UTY: variants seen among roughly 807,000 people sequenced by gnomAD.
UTY encodes the protein ubiquitously transcribed tetratricopeptide repeat containing, Y-linked.
UTY carries 12 observed loss-of-function variants against 32.5 expected under a neutral mutation model. The observed-to-expected ratio is 0.37, with a 90% confidence interval of 0.24 to 0.60. The LOEUF (loss-of-function observed/expected upper bound fraction) is 0.60, where lower values mean the gene tolerates loss of function less well. UTY is among the 20% of genes least tolerant of loss of function. UTY has a pLI of 0.69. For missense variants in UTY, 303 were observed against 299.2 expected, an observed-to-expected ratio of 1.01 and a Z score of -0.09; for synonymous variants, 131 against 103.4, an observed-to-expected ratio of 1.27 and a Z score of -1.62.
intron 17 of UTY, among the ~76,000 whole-genome samples, chrY:13,348,908 A>T: frequency 9.0e-5 from 3 of 33,446 alleles, no homozygotes; most frequent in African/African-American, 3.5e-4. Context: ...TTCACATCTT[A>T]CCATAGTATC....
chrY:13,240,529 C>G, intron 28 of UTY, among the ~76,000 whole-genome samples: 1 of 33,412 alleles, frequency 3.0e-5, no homozygotes, highest in Admixed American at 2.7e-4. Context: ...CTAAAAGTAC[C>G]TAACAGAAAC....
intron 4 of UTY, among the ~76,000 whole-genome samples, chrY:13,417,877 A>G: frequency 6.0e-5 from 2 of 33,351 alleles, no homozygotes; most frequent in South Asian, 6.7e-4. Flanking sequence ...TTCAGTTTTC[A>G]GTTCACTGTG....
At chrY:13,387,010 A>T (rs2066921230) in intron 8 of UTY, among the ~76,000 whole-genome samples, 1 of 33,330 alleles carries the variant, frequency 3.0e-5, no homozygotes. Flanking sequence ...ATAAACTAAC[A>T]AACATACATT....
intron 27 of UTY, among the ~76,000 whole-genome samples, chrY:13,295,428 T>G (rs943201017): frequency 1.5e-4 from 5 of 33,489 alleles, no homozygotes; most frequent in Non-Finnish European, 3.0e-4. Context: ...CTTCTAACAC[T>G]GGGATCAAAT....
In UTY at chrY:13,258,643, T is replaced by G. The variant is rs778269422; in HGVS notation, c.4137+1635A>C. Among the ~76,000 whole-genome samples the G allele has an allele frequency of 1.8e-3, 61 of 34,108 alleles. No individual in the cohort carries two copies. In the East Asian group the frequency reaches 0.041, roughly 23 times the overall value. The allele number at this position is 34,108 out of a possible 37,273, so 91.5% of individuals were successfully genotyped here. On this transcript the variant is annotated intron_variant, in intron 28 of 29. Transcript: ENST00000545955. ...CCTTAATGCCAGGAACTGGAGTGCTTAAAAGCTGCAGACAGATTAGCAGCT... is the reference window on the plus strand; with the variant it reads ...CCTTAATGCCAGGAACTGGAGTGCTGAAAAGCTGCAGACAGATTAGCAGCT...
intron 27 of UTY, among the ~76,000 whole-genome samples, chrY:13,262,692 T>C: frequency 3.4e-5 from 1 of 29,566 alleles, no homozygotes; most frequent in African/African-American, 1.4e-4. Context: ...GGCTCCCAAG[T>C]AGTTGCGATT....
At chrY:13,342,359 C>T in intron 17 of UTY, among the ~76,000 whole-genome samples, 2 of 34,064 alleles carry the variant, frequency 5.9e-5, no homozygotes, top group South Asian at 6.6e-4. Flanking sequence ...GATTACCAGA[C>T]GGTACGGGAT....
At chrY:13,276,726 A>AC (rs2056717986) in intron 27 of UTY, among the ~76,000 whole-genome samples, 60 of 30,663 alleles carry the variant, frequency 2.0e-3, no homozygotes, top group Non-Finnish European at 5.5e-4. Context: ...GTCTCAAAAA[A>AC]CCCCCCCCAA....
chrY:13,356,268 GC>G (rs2062893379), intron 15 of UTY, among the ~76,000 whole-genome samples: 1 of 32,057 alleles, frequency 3.1e-5, no homozygotes, highest in African/African-American at 1.2e-4. Flanking sequence ...CCATTCTCCT[GC>G]CTCAGCCTTC....
At chrY:13,292,376 G>A in intron 27 of UTY, among the ~76,000 whole-genome samples, 2 of 28,816 alleles carry the variant, frequency 6.9e-5, no homozygotes, top group Admixed American at 3.2e-4. Flanking sequence ...TTGAACCTGG[G>A]AGGTGGAGGT....
chrY:13,288,122 G>A (rs2057532879), intron 27 of UTY, among the ~76,000 whole-genome samples: 1 of 32,002 alleles, frequency 3.1e-5, no homozygotes. Flanking sequence ...AGTGCCTACA[G>A]ACCCAGTTCC....
intron 4 of UTY, among the ~76,000 whole-genome samples, chrY:13,417,152 G>C (rs759261443): frequency 2.9e-5 from 1 of 34,003 alleles, no homozygotes; most frequent in East Asian, 7.8e-4. Context: ...TGCGATAACA[G>C]CCACTTGTTT....
chrY:13,403,422 T>C (rs2069379816), intron 6 of UTY, among the ~76,000 whole-genome samples: 2 of 31,427 alleles, frequency 6.4e-5, no homozygotes, highest in Non-Finnish European at 1.5e-4. Context: ...GCCTCCTGAG[T>C]AGCTGGGACT....
intron 28 of UTY, among the ~76,000 whole-genome samples, chrY:13,257,956 TATC>T (rs2054924948): frequency 3.0e-5 from 1 of 33,517 alleles, no homozygotes; most frequent in South Asian, 6.9e-4. Context: ...TGATAGTGGT[TATC>T]ATCACTGCTG....
intron 27 of UTY, among the ~76,000 whole-genome samples, chrY:13,279,480 C>G (rs2056877688): frequency 6.0e-5 from 2 of 33,244 alleles, no homozygotes; most frequent in Non-Finnish European, 1.5e-4. Context: ...GAACTCCTGA[C>G]CTCATGATCT....
chrY:13,336,153 A>G lies in UTY; in HGVS notation c.2244T>C (p.His748=). ...QGDADSHLSC[H]TATSGGQQGI... ...CTTGTTGTCCACCTGAGGTAGCAGT[A>G]TGACAGGAGAGGTGACTGTCAGCAT... Residue 748 remains histidine, a synonymous_variant, in exon 18 of 30, where the codon CAT becomes CAC. Coordinates refer to ENST00000545955, the MANE Select transcript of UTY (RefSeq NM_001258249.2). 1 of 398,690 alleles carries G rather than the reference A, an allele frequency of 2.5e-6. No homozygotes were observed. The highest frequency in any genetic ancestry group is 3.5e-6 in the Non-Finnish European group (1 of 283,579).
In UTY at chrY:13,355,989, A is replaced by C. The variant is rs765398391; in HGVS notation, c.1599T>G (p.Asp533Glu). 1 of 389,934 alleles carries C rather than the reference A, an allele frequency of 2.6e-6. No homozygotes were observed. The highest frequency in any genetic ancestry group is 3.6e-6 in the Non-Finnish European group (1 of 279,236). ...GATGCTTCTGTGCTGGATTTAAATT[A>C]TCTCTATTTGCTCGCAGTTGTTCCA... ...QHLEQLRANR[D>E]NLNPAQKHQL... Residue 533 changes from aspartate (D) to glutamate (E), a missense_variant, in exon 16 of 30, where the codon GAT (aspartate) becomes GAG (glutamate). By Grantham distance (45) the Asp-to-Glu change is conservative (BLOSUM62 2). Coordinates refer to ENST00000545955, the MANE Select transcript of UTY (RefSeq NM_001258249.2).
At chrY:13,316,801 A>G (rs2059511654) in intron 21 of UTY, among the ~76,000 whole-genome samples, 1 of 31,526 alleles carries the variant, frequency 3.2e-5, no homozygotes, top group Admixed American at 2.9e-4. Context: ...AGACAGAGAG[A>G]AAAAAAAAGA....
intron 26 of UTY, among the ~76,000 whole-genome samples, 196 bp from the exon 27 acceptor site, chrY:13,298,044 C>T (rs2058158389): frequency 3.0e-5 from 1 of 33,563 alleles, no homozygotes; most frequent in Non-Finnish European, 7.4e-5. Context: ...ATATGCGAGA[C>T]ATTGTGCTAG....
Sources: allele counts gnomAD v4.1 joint callset (sites outside exome capture counted in the v4.1 genomes callset), GRCh38; gene constraint gnomAD v4.1.1; transcripts MANE v1.5; gene names NCBI Gene and HGNC (gene_info 2026-07-23, HGNC 2026-07-21).